The following GLI3 variants were observed in gnomAD, a reference collection of about 807,000 sequenced individuals.
The protein encoded by GLI3 is GLI family zinc finger 3, also known as transcription activator GLI3.
GLI3 carries 20 observed loss-of-function variants against 100.8 expected under a neutral mutation model. The ratio of observed to expected loss-of-function variants is 0.20; its 90% CI spans 0.14 to 0.29. The LOEUF (loss-of-function observed/expected upper bound fraction) is 0.29. Ranked by LOEUF, GLI3 falls within the 10% of genes least tolerant of loss-of-function variation. GLI3 has a pLI of 1.00. For synonymous variants in GLI3, 938 were observed against 860.5 expected (o/e 1.09, Z -1.58); for missense variants, 2,040 against 2,128.5 (o/e 0.96, Z 0.82).
intron 10 of GLI3, among the ~76,000 whole-genome samples, chr7:42,005,391 GGATA>G (rs1325067830): frequency 4.0e-5 from 6 of 150,656 alleles, no homozygotes; most frequent in African/African-American, 1.5e-4. Flanking sequence ...ACGGATGGAT[GGATA>G]GATGGATGGA....
intron 2 of GLI3, among the ~76,000 whole-genome samples, chr7:42,194,758 TC>T (rs1240662303): frequency 3.1e-5 from 4 of 128,264 alleles, no homozygotes; most frequent in Admixed American, 7.6e-5. Flanking sequence ...TCTCTCTGTC[TC>T]TTTTTTTTTT....
rs1260577104 is a variant in GLI3, at chr7:42,025,268, T to A, written c.1352A>T (p.Gln451Leu). Reference sequence around the variant, plus strand: ...TGTGCGGCCTCGGTGTCCTACCTGCTGCCCCCGAGCCCCTGGGCTGGGGAG... The same window carrying A: ...TGTGCGGCCTCGGTGTCCTACCTGCAGCCCCCGAGCCCCTGGGCTGGGGAG... ...EDLPSPGARG[Q>L]QEQPEGTTLV... Residue 451 changes from glutamine to leucine, a missense_variant, in exon 9 of 15, where the codon CAG (glutamine) becomes CTG (leucine). Gln to Leu is a moderately radical substitution (Grantham distance 113, BLOSUM62 -2). This residue lies in a region of GLI3 where 603 missense variants were observed against 690.9 expected (regional missense o/e 0.87). Transcript: ENST00000395925. 1 of 1,608,628 alleles carries A rather than the reference T, an allele frequency of 6.2e-7. No homozygotes were observed. The highest frequency in any genetic ancestry group is 8.5e-7 in the Non-Finnish European group (1 of 1,175,060).
At chr7:42,032,329 A>G (rs1789318182) in intron 7 of GLI3, among the ~76,000 whole-genome samples, 1 of 152,240 alleles carries the variant, frequency 6.6e-6, no homozygotes, top group Admixed American at 6.5e-5. Context: ...TTTGGCTTTC[A>G]CAATAAATAT....
chr7:42,089,996 C>T (rs889146610), intron 3 of GLI3, among the ~76,000 whole-genome samples: 3 of 152,136 alleles, frequency 2.0e-5, no homozygotes, highest in Non-Finnish European at 4.4e-5. Flanking sequence ...ATGGTATAGC[C>T]TATTACTCGT....
chr7:42,000,228 TGTAGA>T (rs1169394034), intron 10 of GLI3, among the ~76,000 whole-genome samples: 2 of 152,224 alleles, frequency 1.3e-5, no homozygotes, highest in Non-Finnish European at 1.5e-5. Context: ...GTAGTTGATT[TGTAGA>T]GTAGAGTGAG....
intron 4 of GLI3, among the ~76,000 whole-genome samples, chr7:42,049,276 C>T (rs368881064): frequency 8.5e-5 from 13 of 152,180 alleles, no homozygotes; most frequent in African/African-American, 2.7e-4. Context: ...AATGGGAAAT[C>T]GGTCACTCTA....
At chr7:42,128,047 G>T (rs535098601) in intron 3 of GLI3, among the ~76,000 whole-genome samples, 25 of 136,560 alleles carry the variant, frequency 1.8e-4, no homozygotes, top group African/African-American at 6.5e-4. Flanking sequence ...AAGAAAAAAG[G>T]AAGGAAACAA....
At chr7:42,240,806 G>C (rs1788916741), upstream of GLI3, among the ~76,000 whole-genome samples, 1 of 152,200 alleles carries the variant, frequency 6.6e-6, no homozygotes, top group Admixed American at 6.5e-5. Flanking sequence ...CACTGCAAAA[G>C]ATAGTGGGAG....
At chr7:42,110,173 T>C (rs1785672117) in intron 3 of GLI3, among the ~76,000 whole-genome samples, 1 of 152,236 alleles carries the variant, frequency 6.6e-6, no homozygotes, top group Admixed American at 6.5e-5. Context: ...AACCAACCTC[T>C]GTCTTATTCC....
chr7:42,023,367 G>A lies in GLI3; in HGVS notation c.1497+101C>T, dbSNP rs960369346. On this transcript the variant is annotated intron_variant, in intron 10 of 14. Coordinates refer to ENST00000395925, the MANE Select transcript of GLI3 (RefSeq NM_000168.6). ...TAAAGCCCTCTCCAGTTCGCAATGC[G>A]GCTCCTAAGAAACTTGACTCAGCTC... The A allele has an allele frequency of 1.0e-4, 127 of 1,226,624 alleles. No individual in the cohort carries two copies. In the Admixed American group the frequency reaches 1.3e-3, roughly 12 times the overall value. 76.0% of individuals were successfully genotyped at this position (1,226,624 alleles called of 1,614,324 possible). A position where few individuals can be genotyped will look rare whatever the true frequency, so the allele number is the denominator to read the frequency against.
At chr7:42,213,714 C>T (rs3801232) in intron 2 of GLI3, among the ~76,000 whole-genome samples, 56,084 of 152,096 alleles carry the variant, frequency 0.37, 12,140 homozygotes, top group East Asian at 0.72. Context: ...AGAATGGGCC[C>T]GTAAGTGGAA....
At chr7:42,194,493 C>A (rs942214565) in intron 2 of GLI3, among the ~76,000 whole-genome samples, 3 of 152,170 alleles carry the variant, frequency 2.0e-5, no homozygotes, top group Admixed American at 2.0e-4. Context: ...ACAGTTCCAA[C>A]TCAAGTCTCT....
intron 1 of GLI3, among the ~76,000 whole-genome samples, chr7:42,234,747 C>G (rs1788756978): frequency 6.6e-6 from 1 of 152,164 alleles, no homozygotes; most frequent in Admixed American, 6.5e-5. Context: ...TGGACTCATT[C>G]ATGCATCTTA....
chr7:42,222,948 G>T, intron 2 of GLI3, 182 bp downstream of exon 2: 1 of 680,314 alleles, frequency 1.5e-6, no homozygotes, highest in Non-Finnish European at 2.6e-6. Flanking sequence ...TAGGTTGAGT[G>T]CCAAAATAGA....
At chr7:41,970,106 TA>T (rs149041120) in intron 13 of GLI3, among the ~76,000 whole-genome samples, 15,521 of 151,888 alleles carry the variant, frequency 0.1, 968 homozygotes, top group African/African-American at 0.17. Flanking sequence ...AAGTAAATGT[TA>T]AAAAAATGAA....
chr7:42,244,850 C>T (rs955130748), intron 1 of GLI3, among the ~76,000 whole-genome samples: 1 of 152,198 alleles, frequency 6.6e-6, no homozygotes, highest in Non-Finnish European at 1.5e-5. Flanking sequence ...AGTAATTAAA[C>T]TCCTGCATAT....
chr7:42,190,331 C>T (rs1053577262), intron 2 of GLI3, among the ~76,000 whole-genome samples: 2 of 152,042 alleles, frequency 1.3e-5, no homozygotes, highest in South Asian at 4.2e-4. Flanking sequence ...GGCAAATCCA[C>T]CCAAGATTAG....
chr7:42,055,052 C>CATATAT (rs1408354295), intron 4 of GLI3, among the ~76,000 whole-genome samples: 6 of 132,416 alleles, frequency 4.5e-5, no homozygotes, highest in Admixed American at 2.2e-4. Context: ...TATATATATA[C>CATATAT]ACACACATAT....
chr7:42,132,351 T>C (rs570863642), intron 3 of GLI3, among the ~76,000 whole-genome samples: 505 of 152,170 alleles, frequency 3.3e-3, no homozygotes, highest in South Asian at 0.012. Context: ...CCGCCCGCCT[T>C]GACCTCCCAA....
Sources: gnomAD v4.1 joint callset for allele counts (sites outside exome capture counted in the v4.1 genomes callset) on GRCh38, gnomAD v4.1.1 for gene constraint, gnomAD v4.1.1 regional missense constraint, MANE v1.5 for transcripts, NCBI Gene and HGNC (gene_info 2026-07-23, HGNC 2026-07-21) for gene names.